The following TSNARE1 variants were observed in gnomAD, a reference collection of about 807,000 sequenced individuals.
TSNARE1 encodes t-SNARE domain containing 1, also known as t-SNARE domain-containing protein 1.
Under a neutral mutation model 62.0 loss-of-function variants are expected in TSNARE1, and 49 were observed. The ratio of observed to expected loss-of-function variants is 0.79; its 90% CI spans 0.63 to 1.00. The LOEUF (loss-of-function observed/expected upper bound fraction) is 1.00, where lower values mean the gene tolerates loss of function less well. Among genes scored for constraint, TSNARE1 ranks in the 50% least tolerant of loss-of-function variants. The pLI, the probability that TSNARE1 is intolerant of heterozygous loss-of-function variation, is 0.00. For synonymous variants in TSNARE1, 328 were observed against 294.4 expected, an observed-to-expected ratio of 1.11 and a Z score of -1.17; for missense variants, 755 against 700.1, an observed-to-expected ratio of 1.08 and a Z score of -0.88.
intron 12 of TSNARE1, among the ~76,000 whole-genome samples, chr8:142,234,413 C>G (rs1429570727): frequency 6.6e-6 from 1 of 151,442 alleles, no homozygotes; most frequent in East Asian, 1.9e-4. Flanking sequence ...AAGATGGCAC[C>G]ATGACCACAA....
rs1285973719 is a variant in TSNARE1 at position 142,319,127 on chromosome 8, A to G, written c.894-493T>C. 6.6e-6 allele frequency among the ~76,000 whole-genome samples: 1 copy of G among 151,734 alleles called. No individual in the cohort carries two copies. Among genetic ancestry groups the G allele is most frequent in the Non-Finnish European group, 1.5e-5 (1 of 67,910 alleles). ...AGAACAGTGGCAGCCGGGCCCCACC[A>G]ATCGGCCACTGCGAGGACCACCTTG... On this transcript the variant is annotated intron_variant, in intron 6 of 13. Transcript: ENST00000524325. The surrounding 1 kb of genome is among the most constrained non-coding windows in gnomAD (Gnocchi z 4.9).
chr8:142,277,193 G>C (rs200410335), intron 11 of TSNARE1: 7 of 984,638 alleles, frequency 7.1e-6, no homozygotes, highest in East Asian at 2.3e-4. Context: ...CCCAACACAG[G>C]GGGTGCTCCA....
chr8:142,363,921 G>C (rs948882502), intron 1 of TSNARE1, among the ~76,000 whole-genome samples: 3 of 152,244 alleles, frequency 2.0e-5, no homozygotes, highest in African/African-American at 7.2e-5. Context: ...TGTAGGACCT[G>C]TCTGGGGGTC....
At chr8:142,253,893 G>A (rs973182639) in intron 12 of TSNARE1, among the ~76,000 whole-genome samples, 18 of 152,332 alleles carry the variant, frequency 1.2e-4, no homozygotes, top group African/African-American at 4.1e-4. Flanking sequence ...GGGAGGTGGA[G>A]CCCTCAGGTT....
chr8:142,272,747 G>A (rs1426721891), intron 12 of TSNARE1: 61 of 971,142 alleles, frequency 6.3e-5, no homozygotes, highest in Non-Finnish European at 6.8e-5. Context: ...TTGCAGGTAG[G>A]AGCAGGACAT....
intron 11 of TSNARE1, 117 bp downstream of exon 11, chr8:142,284,295 TG>T: frequency 1.3e-6 from 1 of 766,208 alleles, no homozygotes; most frequent in Non-Finnish European, 2.2e-6. Context: ...GACCCCAGCC[TG>T]GGCCTGGCTC....
intron 12 of TSNARE1, chr8:142,271,666 G>A: frequency 7.2e-7 from 1 of 1,394,574 alleles, no homozygotes; most frequent in Non-Finnish European, 9.3e-7. Context: ...GCCACAAGCA[G>A]CTGGGGGTCT....
At chr8:142,218,059 AGT>A (rs1816006545) in intron 13 of TSNARE1, among the ~76,000 whole-genome samples, 2 of 68,782 alleles carry the variant, frequency 2.9e-5, no homozygotes, top group African/African-American at 7.4e-5. Flanking sequence ...CAGGGCTCAG[AGT>A]GTGAGCAGGA....
chr8:142,275,173 G>A, intron 11 of TSNARE1: 1 of 985,406 alleles, frequency 1.0e-6, no homozygotes, highest in Non-Finnish European at 1.2e-6. Flanking sequence ...TGAGGGCTGG[G>A]GTCAAGTCCT....
chr8:142,232,952 T>C (rs1322402766), intron 12 of TSNARE1, among the ~76,000 whole-genome samples: 1 of 152,204 alleles, frequency 6.6e-6, no homozygotes, highest in Non-Finnish European at 1.5e-5. Flanking sequence ...GAGCTCCTGC[T>C]GTGGCCAACC....
At chr8:142,292,919 C>T (rs540830534) in intron 10 of TSNARE1, among the ~76,000 whole-genome samples, 1 of 152,260 alleles carries the variant, frequency 6.6e-6, no homozygotes, top group African/African-American at 2.4e-5. Context: ...CCCTGTCAGT[C>T]GGGCTCTTCA....
At chr8:142,335,288 A>G (rs1255839203) in intron 4 of TSNARE1, among the ~76,000 whole-genome samples, 5 of 152,146 alleles carry the variant, frequency 3.3e-5, no homozygotes, top group African/African-American at 4.8e-5. Context: ...CATGTTATAA[A>G]TGACCCGTGG....
chr8:142,393,232 T>C (rs1027698906), intron 1 of TSNARE1, among the ~76,000 whole-genome samples: 1 of 152,096 alleles, frequency 6.6e-6, no homozygotes, highest in African/African-American at 2.4e-5. Flanking sequence ...AAAAAGCCAA[T>C]CCCCGGCCAC....
chr8:142,214,316 G>A (rs1175680753), intron 13 of TSNARE1, among the ~76,000 whole-genome samples: 5 of 152,296 alleles, frequency 3.3e-5, no homozygotes, highest in East Asian at 1.9e-4. Context: ...CCTTCATTCC[G>A]CCATGGGGCT....
At chr8:142,318,703 G>T (rs1444306452) in intron 6 of TSNARE1, 69 bp from the exon 7 acceptor site, 2 of 1,524,022 alleles carry the variant, frequency 1.3e-6, no homozygotes, top group African/African-American at 2.7e-5. Flanking sequence ...GGCCCAGAAG[G>T]ACGGAGCAAG....
chr8:142,283,155 A>AGAGGTGGGGCCAGTGTCTGTCAATGAGCG (rs1821957898), intron 11 of TSNARE1, among the ~76,000 whole-genome samples: 2 of 145,090 alleles, frequency 1.4e-5, no homozygotes, highest in Non-Finnish European at 3.0e-5. Context: ...GTCAATGAGC[A>AGAGGTGGGGCCAGTGTCTGTCAATGAGCG]GAGGTGGGGC....
At chr8:142,389,201 C>T (rs970053979) in intron 1 of TSNARE1, among the ~76,000 whole-genome samples, 3 of 152,164 alleles carry the variant, frequency 2.0e-5, no homozygotes, top group Non-Finnish European at 2.9e-5. Flanking sequence ...TCTCTAGATA[C>T]AGAAGAATAA....
intron 12 of TSNARE1, among the ~76,000 whole-genome samples, chr8:142,262,122 C>A (rs781164970): frequency 1.4e-4 from 22 of 152,358 alleles, no homozygotes; most frequent in African/African-American, 4.8e-4. Context: ...GCGGCGACTC[C>A]GTGGTGGGAC....
chr8:142,293,330 T>G (rs1283895408), intron 10 of TSNARE1, among the ~76,000 whole-genome samples: 2 of 152,014 alleles, frequency 1.3e-5, no homozygotes, highest in Non-Finnish European at 2.9e-5. Flanking sequence ...GAGGGGCAGG[T>G]GGAGATCCCA....
Sources: gnomAD v4.1 joint callset for allele counts (sites outside exome capture counted in the v4.1 genomes callset) on GRCh38, gnomAD v4.1.1 for gene constraint, Gnocchi (gnomAD v3.1) non-coding constraint, MANE v1.5 for transcripts, NCBI Gene and HGNC (gene_info 2026-07-23, HGNC 2026-07-21) for gene names.